The following RARB variants were observed in gnomAD, a reference collection of about 807,000 sequenced individuals.
The protein encoded by RARB is HBV-activated protein.
RARB carries 17 observed loss-of-function variants against 51.9 expected under a neutral mutation model. The ratio of observed to expected loss-of-function variants is 0.33; its 90% CI spans 0.22 to 0.49. The LOEUF (loss-of-function observed/expected upper bound fraction) is 0.49. RARB is among the 20% of genes least tolerant of loss of function. The pLI, the probability that RARB is intolerant of heterozygous loss-of-function variation, is 0.99. For missense variants in RARB, 369 were observed against 550.8 expected (o/e 0.67, Z 3.30); for synonymous variants, 215 against 195.4 (o/e 1.10, Z -0.84).
At chr3:25,507,749 C>G (rs1697683642) in intron 3 of RARB, among the ~76,000 whole-genome samples, 1 of 152,142 alleles carries the variant, frequency 6.6e-6, no homozygotes, top group African/African-American at 2.4e-5. Context: ...ACACTGGGGT[C>G]AGGAGGTCAG....
At chr3:24,996,805 G>GGTCAGATAAGATACTGGATGTTATTTT (rs1206985055) in intron 2 of RARB, among the ~76,000 whole-genome samples, 2 of 151,886 alleles carry the variant, frequency 1.3e-5, no homozygotes, top group East Asian at 1.9e-4. Flanking sequence ...ATCCCATTGT[G>GGTCAGATAAGATACTGGATGTTATTTT]GTCAGATAAG....
intron 4 of RARB, among the ~76,000 whole-genome samples, chr3:25,151,930 A>C (rs999843741): frequency 2.0e-5 from 3 of 151,880 alleles, no homozygotes; most frequent in African/African-American, 4.8e-5. Flanking sequence ...TTTTTTTTTA[A>C]AGTACAAAAT....
At chr3:24,874,634 C>A (rs1389148178) in intron 2 of RARB, among the ~76,000 whole-genome samples, 1 of 151,822 alleles carries the variant, frequency 6.6e-6, no homozygotes, top group Non-Finnish European at 1.5e-5. Flanking sequence ...GATTTTGACT[C>A]ATTTCTTTTT....
intron 2 of RARB, among the ~76,000 whole-genome samples, chr3:24,921,508 C>T (rs1695215811): frequency 6.6e-6 from 1 of 152,258 alleles, no homozygotes; most frequent in East Asian, 1.9e-4. Flanking sequence ...ACCAGCACAG[C>T]CCACCATAGG....
chr3:25,016,445 C>G (rs1697510693), intron 2 of RARB, among the ~76,000 whole-genome samples: 1 of 152,136 alleles, frequency 6.6e-6, no homozygotes. Flanking sequence ...AAAACTGAGA[C>G]AACCAAAAGT....
chr3:24,983,704 C>A (rs1296427549), intron 2 of RARB, among the ~76,000 whole-genome samples: 1 of 152,032 alleles, frequency 6.6e-6, no homozygotes, highest in Admixed American at 6.6e-5. Context: ...AATTTCATTT[C>A]TATTTGCTAG....
chr3:24,844,792 T>C (rs561262506), intron 1 of RARB, among the ~76,000 whole-genome samples: 1 of 152,312 alleles, frequency 6.6e-6, no homozygotes, highest in South Asian at 2.1e-4. Flanking sequence ...TGGAACCTGC[T>C]TCCCCAGGGA....
intron 4 of RARB, among the ~76,000 whole-genome samples, chr3:25,136,867 C>T (rs770063246): frequency 6.6e-6 from 1 of 151,946 alleles, no homozygotes; most frequent in Non-Finnish European, 1.5e-5. Flanking sequence ...AGATCATTCA[C>T]TAGGGAAGTA....
intron 2 of RARB, among the ~76,000 whole-genome samples, chr3:25,491,695 CTG>C (rs1455686782): frequency 1.3e-5 from 2 of 152,188 alleles, no homozygotes; most frequent in Non-Finnish European, 2.9e-5. Context: ...AATCCCAACA[CTG>C]TGGGAGACCG....
intron 2 of RARB, among the ~76,000 whole-genome samples, chr3:25,476,409 A>T (rs912661267): frequency 7.9e-5 from 12 of 152,242 alleles, no homozygotes; most frequent in African/African-American, 2.2e-4. Flanking sequence ...AGGTTTATGT[A>T]AAACCTTTTG....
chr3:25,220,687 C>T (rs540701617), intron 5 of RARB, among the ~76,000 whole-genome samples: 37 of 152,312 alleles, frequency 2.4e-4, no homozygotes, highest in African/African-American at 8.2e-4. Context: ...CTTTGCCTTC[C>T]ACCATGATTG....
At chr3:25,321,840 A>G (rs980436597) in intron 5 of RARB, among the ~76,000 whole-genome samples, 2 of 151,932 alleles carry the variant, frequency 1.3e-5, no homozygotes, top group African/African-American at 4.8e-5. Context: ...AGAAGAAGCT[A>G]TAATTTCAAT....
chr3:25,239,023 A>G (rs1702369362), intron 5 of RARB, among the ~76,000 whole-genome samples: 1 of 152,132 alleles, frequency 6.6e-6, no homozygotes, highest in African/African-American at 2.4e-5. Flanking sequence ...ATGATAGCTC[A>G]TTGTGGTTTT....
intron 2 of RARB, among the ~76,000 whole-genome samples, chr3:24,960,375 C>T (rs1296153921): frequency 2.6e-5 from 4 of 152,148 alleles, no homozygotes; most frequent in African/African-American, 9.7e-5. Context: ...CTTGGAAAAA[C>T]ATTTTGTTTC....
rs895587340 is a variant in RARB at position 25,278,864 on chromosome 3, C to T, written c.178+104289C>T. On this transcript the variant is annotated intron_variant, in intron 5 of 11. Coordinates refer to the RARB transcript ENST00000383772. ...AAGGCTTTTGTAGATTTGGGGAGCT[C>T]TTGAGGTAGGTGGCTGTGGTTTCAT... Among the ~76,000 whole-genome samples, 4 of 152,138 alleles carry T rather than the reference C, an allele frequency of 2.6e-5. No homozygotes were observed. In the South Asian group the frequency reaches 8.3e-4, roughly 32 times the overall value.
intron 5 of RARB, among the ~76,000 whole-genome samples, chr3:25,249,257 A>G (rs1702644820): frequency 6.6e-6 from 1 of 151,964 alleles, no homozygotes; most frequent in African/African-American, 2.4e-5. Flanking sequence ...CATTTGGTGA[A>G]TCTTTGGTTT....
At position 25,448,592 on chromosome 3, in the gene RARB, C is replaced by G. The variant is rs149282957; in HGVS notation, c.158-12601C>G. Among the ~76,000 whole-genome samples the G allele has an allele frequency of 4.1e-3, 617 of 152,176 alleles. 3 individuals carry two copies. The highest frequency in any genetic ancestry group is 0.014 in the African/African-American group (591 of 41,494). On this transcript the variant is annotated intron_variant, in intron 1 of 7. Coordinates refer to ENST00000330688, the MANE Select transcript of RARB (RefSeq NM_000965.5). ...AAGCAATTCTCCTGCCTCAGCCTCC[C>G]GAGTAGCTGGGATTGCAGGCATGCA...
chr3:25,044,120 T>C (rs1698167072), intron 2 of RARB, among the ~76,000 whole-genome samples: 1 of 152,194 alleles, frequency 6.6e-6, no homozygotes, highest in South Asian at 2.1e-4. Flanking sequence ...GGGAAGAATT[T>C]TAAACAGCAA....
intron 2 of RARB, among the ~76,000 whole-genome samples, chr3:24,902,367 A>C (rs1326423757): frequency 6.6e-6 from 1 of 152,230 alleles, no homozygotes; most frequent in East Asian, 1.9e-4. Flanking sequence ...AATCACCGTC[A>C]GAGTGATTTC....
Sources: allele counts gnomAD v4.1 joint callset (sites outside exome capture counted in the v4.1 genomes callset), GRCh38; gene constraint gnomAD v4.1.1; transcripts MANE v1.5; gene names NCBI Gene and HGNC (gene_info 2026-07-23, HGNC 2026-07-21).